The following STXBP5L variants were observed in gnomAD, a reference collection of about 807,000 sequenced individuals.
STXBP5L encodes syntaxin-binding protein 5-like.
A neutral mutation model predicts 144.5 loss-of-function variants in STXBP5L; 65 were observed. That is an observed-to-expected ratio of 0.45 (90% CI 0.37 to 0.55). The LOEUF (loss-of-function observed/expected upper bound fraction) is 0.55, where lower values mean the gene tolerates loss of function less well. STXBP5L is among the 20% of genes least tolerant of loss of function. STXBP5L has a pLI of 0.00. For synonymous variants in STXBP5L, 505 were observed against 469.6 expected, an observed-to-expected ratio of 1.08 and a Z score of -0.97; for missense variants, 1,298 against 1,405.5, an observed-to-expected ratio of 0.92 and a Z score of 1.22.
intron 5 of STXBP5L, among the ~76,000 whole-genome samples, chr3:121,053,298 A>G (rs1948173984): frequency 6.6e-6 from 1 of 152,224 alleles, no homozygotes; most frequent in Non-Finnish European, 1.5e-5. Flanking sequence ...ATCCTAAGCC[A>G]AAAGAACAAA....
chr3:121,318,121 A>T (rs1318128160), intron 19 of STXBP5L, among the ~76,000 whole-genome samples: 2 of 152,028 alleles, frequency 1.3e-5, no homozygotes, highest in African/African-American at 2.4e-5. Flanking sequence ...CATGTCAATC[A>T]GTTACTTCTC....
intron 3 of STXBP5L, among the ~76,000 whole-genome samples, chr3:120,967,104 C>T (rs1379982108): frequency 6.6e-6 from 1 of 152,022 alleles, no homozygotes; most frequent in African/African-American, 2.4e-5. Flanking sequence ...ACCCACTGAG[C>T]CAGGCACGAG....
At chr3:121,094,189 C>A (rs2042987638) in intron 5 of STXBP5L, among the ~76,000 whole-genome samples, 1 of 152,034 alleles carries the variant, frequency 6.6e-6, no homozygotes, top group African/African-American at 2.4e-5. Flanking sequence ...GCTTTACTTC[C>A]AACTATGTGG....
At chr3:120,917,598 G>T (rs150724367) in intron 2 of STXBP5L, among the ~76,000 whole-genome samples, 1 of 152,016 alleles carries the variant, frequency 6.6e-6, no homozygotes, top group African/African-American at 2.4e-5. Context: ...AGGAGGATGA[G>T]GGGGAGGAAC....
intron 3 of STXBP5L, among the ~76,000 whole-genome samples, chr3:121,030,178 G>T (rs1946264260): frequency 6.6e-6 from 1 of 152,148 alleles, no homozygotes; most frequent in Admixed American, 6.6e-5. Context: ...CCATTACTGG[G>T]TGTATACCCA....
intron 18 of STXBP5L, among the ~76,000 whole-genome samples, chr3:121,277,265 G>T (rs2050913310): frequency 6.6e-6 from 1 of 151,892 alleles, no homozygotes; most frequent in African/African-American, 2.4e-5. Flanking sequence ...TTTTATAAGG[G>T]CTCTAATTTT....
intron 2 of STXBP5L, among the ~76,000 whole-genome samples, chr3:120,953,823 A>G (rs192424754): frequency 6.6e-6 from 1 of 152,096 alleles, no homozygotes; most frequent in African/African-American, 2.4e-5. Context: ...ATTGCTCTGG[A>G]TGGGATAGAA....
intron 2 of STXBP5L, among the ~76,000 whole-genome samples, chr3:120,934,898 G>A (rs1710178945): frequency 6.6e-6 from 1 of 151,600 alleles, no homozygotes; most frequent in Non-Finnish European, 1.5e-5. Context: ...TATTAAAGTG[G>A]GTTTCTTGTA....
intron 3 of STXBP5L, among the ~76,000 whole-genome samples, chr3:120,972,014 C>G (rs1009147258): frequency 6.6e-6 from 1 of 151,932 alleles, no homozygotes; most frequent in African/African-American, 2.4e-5. Context: ...TGTGATGTCT[C>G]TAGCTTTATT....
chr3:121,062,398 G>A (rs1009021474), intron 5 of STXBP5L, among the ~76,000 whole-genome samples: 3 of 152,178 alleles, frequency 2.0e-5, no homozygotes, highest in African/African-American at 7.2e-5. Context: ...TGGCTAACCT[G>A]ACCTTTCTCA....
chr3:121,239,864 T>TAAATA (rs760850366), intron 13 of STXBP5L, among the ~76,000 whole-genome samples: 18 of 151,422 alleles, frequency 1.2e-4, no homozygotes, highest in East Asian at 3.9e-4. Context: ...ATAATAATAA[T>TAAATA]AAATAAAATA....
intron 3 of STXBP5L, among the ~76,000 whole-genome samples, chr3:120,989,858 A>T (rs545199347): frequency 3.4e-4 from 52 of 152,276 alleles, no homozygotes; most frequent in African/African-American, 1.2e-3. Flanking sequence ...ATCATACTGA[A>T]TGGGCAAAAA....
Position 121,048,127 on chromosome 3 carries a change from A to G in STXBP5L, c.470+2592A>G, listed in dbSNP as rs368926297. 4.6e-5 allele frequency among the ~76,000 whole-genome samples: 7 copies of G among 152,248 alleles called. No individual in the cohort carries two copies. The East Asian group carries it at 9.7e-4, about 21-fold the overall frequency. ...ATGAAGCTTAGTTTGGCTGGATATG[A>G]AATTCTTGCTTGGAAATTGTTTTAT... On this transcript the variant is annotated intron_variant, in intron 5 of 26. Transcript: ENST00000471454.
intron 2 of STXBP5L, among the ~76,000 whole-genome samples, chr3:120,933,425 C>G (rs560883225): frequency 1.7e-4 from 26 of 152,176 alleles, no homozygotes; most frequent in African/African-American, 5.8e-4. Flanking sequence ...CTGTTTTTTT[C>G]AACCCTTTGC....
intron 3 of STXBP5L, among the ~76,000 whole-genome samples, chr3:121,004,372 A>C (rs1212488791): frequency 6.6e-6 from 1 of 152,054 alleles, no homozygotes; most frequent in East Asian, 1.9e-4. Flanking sequence ...GGTGTATAAG[A>C]ATGCCTGTGA....
chr3:121,099,529 C>T (rs907861436), intron 5 of STXBP5L: 6 of 152,580 alleles, frequency 3.9e-5, no homozygotes, highest in Non-Finnish European at 8.8e-5. Context: ...GAAATTGAAA[C>T]CCTGAACAGA....
At chr3:121,145,045 A>G (rs1030052286) in intron 7 of STXBP5L, among the ~76,000 whole-genome samples, 1 of 151,916 alleles carries the variant, frequency 6.6e-6, no homozygotes, top group Non-Finnish European at 1.5e-5. Context: ...TTAAAGTTTC[A>G]GTCAAGCAAG....
At chr3:121,413,051 TA>T (rs2047155412) in intron 23 of STXBP5L, 106 bp from the exon 24 acceptor site, 2 of 954,534 alleles carry the variant, frequency 2.1e-6, no homozygotes, top group Non-Finnish European at 2.9e-6. Flanking sequence ...AATAAAAAAA[TA>T]AAAAGAAACA....
chr3:121,342,964 C>T (rs566386076), intron 20 of STXBP5L, among the ~76,000 whole-genome samples: 3 of 150,704 alleles, frequency 2.0e-5, no homozygotes, highest in Admixed American at 6.6e-5. Flanking sequence ...GTCCCACCAA[C>T]AGTGTAAAAG....
Sources: allele counts gnomAD v4.1 joint callset (sites outside exome capture counted in the v4.1 genomes callset), GRCh38; gene constraint gnomAD v4.1.1; transcripts MANE v1.5; gene names NCBI Gene and HGNC (gene_info 2026-07-23, HGNC 2026-07-21).